The following LMTK3 variants were observed in gnomAD, a reference collection of about 807,000 sequenced individuals.
LMTK3 encodes lemur tail kinase 3.
Under a neutral mutation model 116.7 loss-of-function variants are expected in LMTK3, and 27 were observed. The observed-to-expected ratio is 0.23, with a 90% CI of 0.17 to 0.32. LMTK3 has a LOEUF of 0.32. Ranked by LOEUF, LMTK3 falls within the 10% of genes least tolerant of loss-of-function variation. The probability of loss-of-function intolerance (pLI) is 1.00; values close to 1 mark genes in which losing one functional copy is unlikely to be tolerated. For missense variants in LMTK3, 1,764 were observed against 2,068.5 expected (o/e 0.85, Z 2.86); for synonymous variants, 965 against 971.0 (o/e 0.99, Z 0.11).
At position 48,510,043 on chromosome 19, in the gene LMTK3, G is replaced by C; in HGVS notation, c.341C>G (p.Ala114Gly). The change falls in exon 3 of 15, where the codon GCC becomes GGC. Residue 114 changes from alanine (A) to glycine (G), a missense_variant. By Grantham distance (60) the Ala-to-Gly change is moderately conservative. Transcript: ENST00000600059. The stretch of plus-strand genomic sequence containing the variant: ...AGTACCTGAGTGTGAAGGCTGCGGG[G>C]CAGGCATTGGCAGGGAGACCTCAGC... ...PLAEVSLPMP[A>G]PQPSHSDMTT... The C allele has an allele frequency of 6.2e-7, 1 of 1,613,956 alleles. No individual in the cohort carries two copies. Among genetic ancestry groups the C allele is most frequent in the South Asian group, 1.1e-5 (1 of 91,078 alleles).
rs79272013 is a variant in LMTK3, at chr19:48,491,641, T to C, written c.4093-102A>G. 5,265 of 1,066,078 alleles carry C rather than the reference T, an allele frequency of 4.9e-3. 163 individuals carry two copies. The African/African-American group carries it at 0.076, about 15-fold the overall frequency. The allele number at this position is 1,066,078 out of a possible 1,614,324, so 66.0% of individuals were successfully genotyped here. A position where few individuals can be genotyped will look rare whatever the true frequency, so the allele number is the denominator to read the frequency against. Reference sequence around the variant, plus strand: ...AAACCGGCTAATATTTCTGGGGCTCTAGGAATCCCAATTTGTAATCACTGA... The same window carrying C: ...AAACCGGCTAATATTTCTGGGGCTCCAGGAATCCCAATTTGTAATCACTGA... On this transcript the variant is annotated intron_variant, in intron 12 of 14. Transcript: ENST00000600059. The surrounding 1 kb of genome is among the most constrained non-coding windows in gnomAD (Gnocchi z 5.1).
chr19:48,499,549 T>TGGGGGGCCG lies in LMTK3; in HGVS notation c.1511_1519dup (p.Pro504_Pro506dup). 2 of 588,826 alleles carry TGGGGGGCCG rather than the reference T, an allele frequency of 3.4e-6. No individual in the cohort carries two copies. The highest frequency in any genetic ancestry group is 5.1e-6 in the Non-Finnish European group (2 of 388,782). 36.5% of individuals were successfully genotyped at this position (588,826 alleles called of 1,614,324 possible). A position where few individuals can be genotyped will look rare whatever the true frequency, so the allele number is the denominator to read the frequency against. On this transcript the variant is annotated inframe_insertion, in exon 11 of 15. Coordinates refer to ENST00000600059, the MANE Select transcript of LMTK3 (RefSeq NM_001388485.1). ...GTAGAAAGGGTTGGAGGGGTTGGCGTGGGGGGCCGGGGGGGCCGACGCCGG... is the reference window on the plus strand; with the variant it reads ...GTAGAAAGGGTTGGAGGGGTTGGCGTGGGGGGCCGGGGGGGCCGGGGGGGCCGACGCCGG...
intron 11 of LMTK3, among the ~76,000 whole-genome samples, chr19:48,496,463 T>G (rs1459637294): frequency 6.6e-6 from 1 of 151,974 alleles, no homozygotes; most frequent in African/African-American, 2.4e-5. Flanking sequence ...AAAGCCTGGC[T>G]AATTTTTGTA....
Position 48,504,380 on chromosome 19 carries a change from G to A in LMTK3, c.558-1384C>T, listed in dbSNP as rs147911809. Among the ~76,000 whole-genome samples the A allele has an allele frequency of 3.0e-3, 450 of 152,250 alleles. 2 individuals are homozygous for A. Among genetic ancestry groups the A allele is most frequent in the African/African-American group, 0.011 (438 of 41,554 alleles). On this transcript the variant is annotated intron_variant, in intron 5 of 14. Transcript: ENST00000600059. ...CCACTTTCCTAGGTGTGTCATCTCAGGCAAGCCACTTCGCTGCTCCCTGCC... is the reference window on the plus strand; with the variant it reads ...CCACTTTCCTAGGTGTGTCATCTCAAGCAAGCCACTTCGCTGCTCCCTGCC...
chr19:48,498,054 C>T lies in LMTK3; in HGVS notation c.3015G>A (p.Glu1005=), dbSNP rs1336397459. The change falls in exon 11 of 15, where the codon GAG becomes GAA. Residue 1005 remains glutamate (E), a synonymous_variant. Coordinates refer to ENST00000600059, the MANE Select transcript of LMTK3 (RefSeq NM_001388485.1). ...TPPKSEDKVS[E]NGGLRFPRNT... is the part of the protein sequence containing the mutation. The stretch of plus-strand genomic sequence containing the variant: ...TCCTGGGGAATCTCAGGCCCCCATT[C>T]TCTGACACCTTGTCCTCGCTCTTTG... 2 of 1,612,944 alleles carry T rather than the reference C, an allele frequency of 1.2e-6. No individual in the cohort carries two copies. Among genetic ancestry groups the T allele is most frequent in the Non-Finnish European group, 1.7e-6 (2 of 1,179,784 alleles).
Position 48,491,002 on chromosome 19 carries a change from G to A in LMTK3, c.4366+106C>T. 1 of 727,414 alleles carries A rather than the reference G, an allele frequency of 1.4e-6. No homozygotes were observed. Among genetic ancestry groups the A allele is most frequent in the Non-Finnish European group, 1.9e-6 (1 of 518,876 alleles). The allele number at this position is 727,414 out of a possible 1,614,324, so 45.1% of individuals were successfully genotyped here. A position where few individuals can be genotyped will look rare whatever the true frequency, so the allele number is the denominator to read the frequency against. Reference sequence around the variant, plus strand: ...ACTGAGAGGGGAGAGAGAAGAGACTGGGAAGAGAGAGGCAGGGACATTGAA... The same window carrying A: ...ACTGAGAGGGGAGAGAGAAGAGACTAGGAAGAGAGAGGCAGGGACATTGAA... On this transcript the variant is annotated intron_variant, in intron 14 of 14. Coordinates refer to ENST00000600059, the MANE Select transcript of LMTK3 (RefSeq NM_001388485.1). The surrounding 1 kb of genome is among the most constrained non-coding windows in gnomAD (Gnocchi z 5.1).
intron 5 of LMTK3, among the ~76,000 whole-genome samples, chr19:48,503,397 G>A (rs1972506661): frequency 1.3e-5 from 2 of 151,682 alleles, no homozygotes; most frequent in Admixed American, 6.6e-5. Flanking sequence ...CTCTCTCCTC[G>A]ACCACACCCC....
intron 14 of LMTK3, among the ~76,000 whole-genome samples, chr19:48,485,992 C>T (rs548009575): frequency 1.7e-4 from 25 of 151,186 alleles, no homozygotes; most frequent in African/African-American, 5.8e-4. Context: ...GCTCCCAGCA[C>T]GGTCCGACCC....
intron 2 of LMTK3, 66 bp downstream of exon 2, chr19:48,510,393 C>G: frequency 1.3e-5 from 20 of 1,536,302 alleles, no homozygotes; most frequent in Non-Finnish European, 1.8e-5. Context: ...CACCAACCAC[C>G]TGTGTAGGGG....
chr19:48,509,026 G>A lies in LMTK3; in HGVS notation c.439-57C>T, dbSNP rs1023816448. On this transcript the variant is annotated intron_variant, in intron 4 of 14. Coordinates refer to ENST00000600059, the MANE Select transcript of LMTK3 (RefSeq NM_001388485.1). ...GCCGTTTCCCCAGCCCCGTCCCCTG[G>A]GACCAGCTCCACTCCACCACACAGC... The A allele has an allele frequency of 5.0e-6, 6 of 1,202,928 alleles. No individual in the cohort carries two copies. In the African/African-American group the frequency reaches 9.0e-5, roughly 18 times the overall value. 74.5% of individuals were successfully genotyped at this position (1,202,928 alleles called of 1,614,324 possible). A position where few individuals can be genotyped will look rare whatever the true frequency, so the allele number is the denominator to read the frequency against.
rs33927563 is a variant in LMTK3, at chr19:48,505,103, CTTTTT to C, written c.558-2112_558-2108del. 5.2e-3 allele frequency among the ~76,000 whole-genome samples: 289 copies of C among 55,482 alleles called. 2 individuals are homozygous for C. The highest frequency in any genetic ancestry group is 0.024 in the African/African-American group (278 of 11,376). 36.4% of individuals were successfully genotyped at this position (55,482 alleles called of 152,430 possible). A position where few individuals can be genotyped will look rare whatever the true frequency, so the allele number is the denominator to read the frequency against. ...AGTTTCTCTCTCTCTCTCTCTCTCT[CTTTTT>C]TTTTTTTTTTTTTTTTTTTTTATGA... On this transcript the variant is annotated intron_variant, in intron 5 of 14. Transcript: ENST00000600059.
At chr19:48,496,530 C>G (rs894795096) in intron 11 of LMTK3, among the ~76,000 whole-genome samples, 2 of 152,198 alleles carry the variant, frequency 1.3e-5, no homozygotes, top group Non-Finnish European at 2.9e-5. Context: ...AACTCCTGAC[C>G]TCAGGTGATC....
chr19:48,504,803 C>T (rs1972535628), intron 5 of LMTK3, among the ~76,000 whole-genome samples: 1 of 152,100 alleles, frequency 6.6e-6, no homozygotes, highest in South Asian at 2.1e-4. Flanking sequence ...CCACTTCGGC[C>T]TCCCGAAGTG....
intron 5 of LMTK3, 119 bp downstream of exon 5, chr19:48,508,732 C>G: frequency 1.2e-6 from 1 of 820,446 alleles, no homozygotes; most frequent in Non-Finnish European, 2.1e-6. Context: ...GAGGGAAGTT[C>G]TCCTGCCAGA....
chr19:48,507,316 C>A (rs938960981), intron 5 of LMTK3, among the ~76,000 whole-genome samples: 21 of 152,254 alleles, frequency 1.4e-4, no homozygotes, highest in Non-Finnish European at 2.5e-4. Context: ...TAGGGTCACA[C>A]AGCTGGTAAT....
At position 48,491,038 on chromosome 19, in the gene LMTK3, A is replaced by G; in HGVS notation, c.4366+70T>C. 1 of 1,021,650 alleles carries G rather than the reference A, an allele frequency of 9.8e-7. No individual in the cohort carries two copies. The highest frequency in any genetic ancestry group is 1.3e-6 in the Non-Finnish European group (1 of 780,676). 63.3% of individuals were successfully genotyped at this position (1,021,650 alleles called of 1,614,324 possible). A position where few individuals can be genotyped will look rare whatever the true frequency, so the allele number is the denominator to read the frequency against. ...GGCAGGGACATTGAAAGATGGTCACAAGAAGTTGGCAGTGGAACATAGGGG... is the reference window on the plus strand; with the variant it reads ...GGCAGGGACATTGAAAGATGGTCACGAGAAGTTGGCAGTGGAACATAGGGG... On this transcript the variant is annotated intron_variant, in intron 14 of 14. Transcript: ENST00000600059. This position sits in a 1 kb window ranked among gnomAD's most constrained non-coding sequence, Gnocchi z 5.1.
chr19:48,505,465 C>G (rs1045322340), intron 5 of LMTK3, among the ~76,000 whole-genome samples: 2 of 152,186 alleles, frequency 1.3e-5, no homozygotes, highest in East Asian at 3.9e-4. Context: ...TGGCTCTCAC[C>G]TGAAATCTCA....
chr19:48,491,158 G>A lies in LMTK3; in HGVS notation c.4316C>T (p.Ala1439Val). Residue 1439 changes from alanine to valine, a missense_variant, in exon 14 of 15, where the codon GCG becomes GTG. Transcript: ENST00000600059. The surrounding 1 kb of genome is among the most constrained non-coding windows in gnomAD (Gnocchi z 5.1). ...GGCGGGTGGCCCCGGGGTCTCCAGC[G>A]CAGGCGAGACGGAGAAGCGGGAGAA... Reference protein sequence around the residue: ...LCFSRFSVSPALETPGPPARA... With the variant: ...LCFSRFSVSPVLETPGPPARA... 1 of 1,383,982 alleles carries A rather than the reference G, an allele frequency of 7.2e-7. No individual in the cohort carries two copies. The highest frequency in any genetic ancestry group is 9.4e-7 in the Non-Finnish European group (1 of 1,067,548). The allele number at this position is 1,383,982 out of a possible 1,614,324, so 85.7% of individuals were successfully genotyped here. A position where few individuals can be genotyped will look rare whatever the true frequency, so the allele number is the denominator to read the frequency against.
In LMTK3 at chr19:48,491,597, G is replaced by A. The variant is rs1434692757; in HGVS notation, c.4093-58C>T. The stretch of plus-strand genomic sequence containing the variant: ...GACAAACCTTCACGTCCCATTTACC[G>A]CATCCCCCAAAAGCAACAAAACCGG... On this transcript the variant is annotated intron_variant, in intron 12 of 14. Transcript: ENST00000600059. This position sits in a 1 kb window ranked among gnomAD's most constrained non-coding sequence, Gnocchi z 5.1. 27 of 1,276,858 alleles carry A rather than the reference G, an allele frequency of 2.1e-5. No homozygotes were observed. The highest frequency in any genetic ancestry group is 6.1e-5 in the East Asian group (2 of 32,826). The allele number at this position is 1,276,858 out of a possible 1,614,324, so 79.1% of individuals were successfully genotyped here. A position where few individuals can be genotyped will look rare whatever the true frequency, so the allele number is the denominator to read the frequency against.
Sources: gnomAD v4.1 joint callset for allele counts (sites outside exome capture counted in the v4.1 genomes callset) on GRCh38, gnomAD v4.1.1 for gene constraint, Gnocchi (gnomAD v3.1) non-coding constraint, MANE v1.5 for transcripts, NCBI Gene and HGNC (gene_info 2026-07-23, HGNC 2026-07-21) for gene names.